Variants in DTNBP1 observed in about 807,000 individuals in gnomAD.
DTNBP1 encodes the protein dystrobrevin binding protein 1, also known as dysbindin.
In DTNBP1, 35 loss-of-function variants were observed where a neutral mutation model predicts 42.8. The ratio of observed to expected loss-of-function variants is 0.82; its 90% CI spans 0.63 to 1.09. The LOEUF is 1.09. DTNBP1 is among the 50% of genes least tolerant of loss of function. The pLI, the probability that DTNBP1 is intolerant of heterozygous loss-of-function variation, is 0.00. For missense variants in DTNBP1, 457 were observed against 424.2 expected (o/e 1.08, Z -0.68); for synonymous variants, 171 against 162.2 (o/e 1.05, Z -0.41).
At chr6:15,625,963 C>G (rs1029562053) in intron 5 of DTNBP1, among the ~76,000 whole-genome samples, 3 of 152,130 alleles carry the variant, frequency 2.0e-5, no homozygotes, top group Admixed American at 1.3e-4. Context: ...TTTCTAAGAC[C>G]CAGAATCTCT....
intron 5 of DTNBP1, among the ~76,000 whole-genome samples, chr6:15,617,418 T>A (rs1165163580): frequency 6.6e-6 from 1 of 151,662 alleles, no homozygotes; most frequent in African/African-American, 2.4e-5. Flanking sequence ...GCCAGAGCAA[T>A]CCTGAGTTAA....
intron 7 of DTNBP1, among the ~76,000 whole-genome samples, chr6:15,566,806 T>C (rs1775111790): frequency 6.7e-6 from 1 of 150,052 alleles, no homozygotes; most frequent in Admixed American, 6.7e-5. Context: ...ATTCAAGCAA[T>C]TCCCCTGCCT....
intron 6 of DTNBP1, among the ~76,000 whole-genome samples, chr6:15,599,431 C>T (rs1428093930): frequency 6.6e-6 from 1 of 152,180 alleles, no homozygotes. Flanking sequence ...GCTGACTCTG[C>T]ATGTGTATCA....
intron 7 of DTNBP1, 95 bp from the exon 8 acceptor site, chr6:15,533,490 G>A: frequency 6.3e-7 from 1 of 1,598,318 alleles, no homozygotes; most frequent in South Asian, 1.1e-5. Context: ...CCAAGTGGAT[G>A]GAGTCATGCC....
At chr6:15,617,101 CCTGTAAT>C (rs1231886251) in intron 5 of DTNBP1, among the ~76,000 whole-genome samples, 1 of 152,050 alleles carries the variant, frequency 6.6e-6, no homozygotes, top group African/African-American at 2.4e-5. Context: ...GTGGCTCACA[CCTGTAAT>C]CTCAGCACTT....
intron 7 of DTNBP1, among the ~76,000 whole-genome samples, chr6:15,588,426 T>C (rs1776164698): frequency 6.6e-6 from 1 of 152,232 alleles, no homozygotes; most frequent in Non-Finnish European, 1.5e-5. Context: ...CTTTGAGCTC[T>C]TTTTAATCAT....
intron 5 of DTNBP1, among the ~76,000 whole-genome samples, chr6:15,617,974 T>G (rs1468339887): frequency 6.6e-6 from 1 of 152,082 alleles, no homozygotes; most frequent in African/African-American, 2.4e-5. Flanking sequence ...AAACTACTCA[T>G]CCCACAAGGG....
chr6:15,560,825 T>A (rs1366494751), intron 7 of DTNBP1, among the ~76,000 whole-genome samples: 2 of 152,230 alleles, frequency 1.3e-5, no homozygotes. Context: ...CACAAACCCC[T>A]GGCTGGGCTC....
rs72839531 is a variant in DTNBP1, at chr6:15,651,922, G to C, written c.110+165C>G. On this transcript the variant is annotated intron_variant, in intron 2 of 9. Coordinates refer to ENST00000344537, the MANE Select transcript of DTNBP1 (RefSeq NM_032122.5). ...TTTCAACCATTTCACGATTTTATTA[G>C]AAAATTTTCCTGTTACAAAATTTAG... 5.4e-3 allele frequency among the ~76,000 whole-genome samples: 826 copies of C among 152,158 alleles called. 2 individuals are homozygous for C. Among genetic ancestry groups the C allele is most frequent in the Non-Finnish European group, 8.6e-3 (587 of 67,976 alleles).
intron 9 of DTNBP1, chr6:15,523,771 G>T (rs1407865939): frequency 1.6e-5 from 21 of 1,287,118 alleles, no homozygotes; most frequent in Non-Finnish European, 2.1e-5. Context: ...GCCTTCTCAG[G>T]ATGAGGGCAA....
intron 9 of DTNBP1, chr6:15,523,629 C>T: frequency 7.8e-7 from 1 of 1,287,394 alleles, no homozygotes; most frequent in Non-Finnish European, 1.0e-6. Flanking sequence ...GAATTACTGA[C>T]CTTCAGCAGT....
intron 3 of DTNBP1, among the ~76,000 whole-genome samples, chr6:15,638,055 G>T (rs1760131367): frequency 6.6e-6 from 1 of 152,068 alleles, no homozygotes. Flanking sequence ...TGAGTCCATG[G>T]TGATGTAAAT....
At chr6:15,531,018 T>C (rs137957564) in intron 8 of DTNBP1, among the ~76,000 whole-genome samples, 30 of 152,242 alleles carry the variant, frequency 2.0e-4, no homozygotes, top group Non-Finnish European at 4.0e-4. Flanking sequence ...CAGATGGACA[T>C]GGCCCCTGTG....
At position 15,522,993 on chromosome 6, in the gene DTNBP1, A is replaced by AC. The variant is rs1561928983; in HGVS notation, c.1037dup (p.Glu347Ter). On this transcript the variant is annotated frameshift_variant, in exon 10 of 10. Coordinates refer to ENST00000344537, the MANE Select transcript of DTNBP1 (RefSeq NM_032122.5). LOFTEE classifies it high-confidence loss of function. Reference sequence around the variant, plus strand: ...TCCCAATTTAAGAGTCGCTGTCCTCACCACCATCCGGAGTGGCCTCTCTGT... The same window carrying AC: ...TCCCAATTTAAGAGTCGCTGTCCTCACCCACCATCCGGAGTGGCCTCTCTGT... 1 of 1,614,186 alleles carries AC rather than the reference A, an allele frequency of 6.2e-7. No homozygotes were observed. The highest frequency in any genetic ancestry group is 1.1e-5 in the South Asian group (1 of 91,090).
At chr6:15,567,179 G>A (rs897370229) in intron 7 of DTNBP1, among the ~76,000 whole-genome samples, 1 of 152,080 alleles carries the variant, frequency 6.6e-6, no homozygotes, top group Non-Finnish European at 1.5e-5. Flanking sequence ...AGTGGGCTGA[G>A]TGCAGGGGCT....
intron 8 of DTNBP1, among the ~76,000 whole-genome samples, chr6:15,532,134 G>T (rs1264018992): frequency 6.6e-6 from 1 of 152,204 alleles, no homozygotes; most frequent in Non-Finnish European, 1.5e-5. Context: ...GAGAATGGGA[G>T]GGCAGGAAAA....
intron 7 of DTNBP1, among the ~76,000 whole-genome samples, chr6:15,581,331 C>A (rs1409218588): frequency 6.6e-6 from 1 of 152,036 alleles, no homozygotes; most frequent in Non-Finnish European, 1.5e-5. Flanking sequence ...AGGCACCTGC[C>A]ACCACGCCTG....
At chr6:15,657,269 T>C (rs1761338585) in intron 1 of DTNBP1, among the ~76,000 whole-genome samples, 1 of 152,222 alleles carries the variant, frequency 6.6e-6, no homozygotes, top group Non-Finnish European at 1.5e-5. Flanking sequence ...AGCTAGCTCA[T>C]CACAAATTCA....
intron 3 of DTNBP1, among the ~76,000 whole-genome samples, chr6:15,648,162 A>G (rs767868635): frequency 6.6e-6 from 1 of 152,094 alleles, no homozygotes; most frequent in Non-Finnish European, 1.5e-5. Flanking sequence ...GAAAAAACAC[A>G]TGGTCATCCT....
Sources: gnomAD v4.1 joint callset for allele counts (sites outside exome capture counted in the v4.1 genomes callset) on GRCh38, gnomAD v4.1.1 for gene constraint, MANE v1.5 for transcripts, NCBI Gene and HGNC (gene_info 2026-07-23, HGNC 2026-07-21) for gene names.